PCDH15: variants seen among roughly 807,000 people sequenced by gnomAD.
PCDH15 encodes the protein protocadherin-15.
A neutral mutation model predicts 178.5 loss-of-function variants in PCDH15; 129 were observed. The observed-to-expected ratio is 0.72, with a 90% CI of 0.63 to 0.84. PCDH15 has a LOEUF of 0.84. Among genes scored for constraint, PCDH15 ranks in the 40% least tolerant of loss-of-function variants. The pLI is 0.00. For missense variants in PCDH15, 2,230 were observed against 2,099.9 expected (o/e 1.06, Z -1.21); for synonymous variants, 800 against 732.0 (o/e 1.09, Z -1.50).
chr10:55,158,016 T>G (rs1479903438), intron 2 of PCDH15, among the ~76,000 whole-genome samples: 1 of 151,604 alleles, frequency 6.6e-6, no homozygotes, highest in African/African-American at 2.4e-5. Context: ...GTAAATTTAT[T>G]ATGCTCTATA....
At chr10:53,883,157 A>T (rs2080852593) in intron 26 of PCDH15, among the ~76,000 whole-genome samples, 1 of 106,072 alleles carries the variant, frequency 9.4e-6, no homozygotes, top group Admixed American at 1.1e-4. Flanking sequence ...ACACATATAT[A>T]CACACATATG....
chr10:53,875,834 A>G (rs1191744038), intron 26 of PCDH15, among the ~76,000 whole-genome samples: 1 of 152,126 alleles, frequency 6.6e-6, no homozygotes, highest in Non-Finnish European at 1.5e-5. Flanking sequence ...AGTAGGGGAG[A>G]CCATTAATTT....
intron 2 of PCDH15, among the ~76,000 whole-genome samples, chr10:55,024,443 TTA>T (rs915485008): frequency 1.0e-5 from 1 of 99,996 alleles, no homozygotes; most frequent in Non-Finnish European, 2.2e-5. Context: ...GGATAATATA[TTA>T]TATATATATA....
chr10:54,520,801 C>T (rs1363316129), intron 3 of PCDH15, among the ~76,000 whole-genome samples: 1 of 150,516 alleles, frequency 6.6e-6, no homozygotes, highest in Non-Finnish European at 1.5e-5. Flanking sequence ...ATAGCAAAGA[C>T]TTGGAACCAA....
chr10:55,464,029 G>C (rs1839769848), intron 2 of PCDH15, among the ~76,000 whole-genome samples: 2 of 119,774 alleles, frequency 1.7e-5, no homozygotes, highest in African/African-American at 3.0e-5. Context: ...AAGAAAGAAA[G>C]AAAGAAAGAA....
chr10:55,502,849 G>A (rs111658090), intron 2 of PCDH15, among the ~76,000 whole-genome samples: 34 of 151,088 alleles, frequency 2.3e-4, no homozygotes, highest in African/African-American at 6.8e-4. Flanking sequence ...CTTTTTTTTC[G>A]TGTTTTGAAG....
intron 1 of PCDH15, among the ~76,000 whole-genome samples, chr10:54,691,035 C>T (rs912055175): frequency 1.3e-5 from 2 of 151,918 alleles, no homozygotes; most frequent in Admixed American, 6.6e-5. Flanking sequence ...TAATTTATGA[C>T]AGTACGTAGC....
rs138935945 is a variant in PCDH15 at position 55,314,840 on chromosome 10, C to A, written c.-156+4759G>T. Among the ~76,000 whole-genome samples the A allele has an allele frequency of 4.6e-5, 7 of 152,216 alleles. No individual in the cohort carries two copies. The East Asian group carries it at 1.4e-3, about 29-fold the overall frequency. On this transcript the variant is annotated intron_variant, in intron 1 of 5. Coordinates refer to the PCDH15 transcript ENST00000458638. ...AAGCTGTATGTTAAAATATACACTT[C>A]TTGATATTTTGTTCAGTGATGACAT...
chr10:54,675,138 AATTT>A (rs2094759351), intron 1 of PCDH15, among the ~76,000 whole-genome samples: 2 of 151,960 alleles, frequency 1.3e-5, no homozygotes, highest in Admixed American at 1.3e-4. Flanking sequence ...TAAATTTTTA[AATTT>A]ATTACATTAA....
At chr10:54,693,794 T>G (rs1257076702) in intron 1 of PCDH15, among the ~76,000 whole-genome samples, 1 of 152,144 alleles carries the variant, frequency 6.6e-6, no homozygotes, top group African/African-American at 2.4e-5. Context: ...AATGCTACAA[T>G]AATTACTTGG....
chr10:54,160,430 T>C (rs1460732669), intron 13 of PCDH15, among the ~76,000 whole-genome samples: 2 of 152,032 alleles, frequency 1.3e-5, no homozygotes, highest in African/African-American at 2.4e-5. Context: ...TCAAAATGCA[T>C]CACAGACCTA....
intron 36 of PCDH15, among the ~76,000 whole-genome samples, chr10:53,810,941 C>T (rs1272891691): frequency 6.6e-6 from 1 of 152,120 alleles, no homozygotes; most frequent in African/African-American, 2.4e-5. Flanking sequence ...AGAAAAAAGC[C>T]ATATTGTGTC....
chr10:54,687,006 G>A (rs1013568335), intron 1 of PCDH15, among the ~76,000 whole-genome samples: 1 of 152,006 alleles, frequency 6.6e-6, no homozygotes, highest in Non-Finnish European at 1.5e-5. Flanking sequence ...ACTATAAATA[G>A]CCAATAGATA....
chr10:54,443,582 G>C (rs2075969997), intron 3 of PCDH15, among the ~76,000 whole-genome samples: 1 of 151,590 alleles, frequency 6.6e-6, no homozygotes, highest in Admixed American at 6.6e-5. Flanking sequence ...CCTGTAAATA[G>C]AGGATCCAAG....
rs1263811377 is a variant in PCDH15 at position 53,808,326 on chromosome 10, G to GTATATATATA, written c.4672-1197_4672-1196insTATATATATA. The GTATATATATA allele has an allele frequency of 6.0e-5, 27 of 447,684 alleles. No individual in the cohort carries two copies. In the East Asian group the frequency reaches 1.0e-3, roughly 17 times the overall value. The allele number at this position is 447,684 out of a possible 1,614,324, so 27.7% of individuals were successfully genotyped here. On this transcript the variant is annotated intron_variant, in intron 37 of 37. Coordinates refer to ENST00000644397, the MANE Select transcript of PCDH15 (RefSeq NM_001384140.1). The stretch of plus-strand genomic sequence containing the variant: ...TGATATAAAAACATATATAGTGTGT[G>GTATATATATA]TGTGTATATATATATATATATATAT...
chr10:54,876,058 G>A (rs530373062), intron 3 of PCDH15, among the ~76,000 whole-genome samples: 1 of 152,176 alleles, frequency 6.6e-6, no homozygotes, highest in Non-Finnish European at 1.5e-5. Context: ...AGCTAATATA[G>A]CTTGTGACTT....
At chr10:54,664,422 A>G in intron 1 of PCDH15, 132 bp from the exon 2 acceptor site, 1 of 658,244 alleles carries the variant, frequency 1.5e-6, no homozygotes, top group Non-Finnish European at 2.7e-6. Flanking sequence ...ATCCATTAAC[A>G]AAGTAACACA....
At chr10:54,543,521 A>T (rs2085500292) in intron 2 of PCDH15, among the ~76,000 whole-genome samples, 1 of 152,162 alleles carries the variant, frequency 6.6e-6, no homozygotes, top group South Asian at 2.1e-4. Context: ...AACCTTTCCC[A>T]TTTCGTTTTC....
intron 2 of PCDH15, among the ~76,000 whole-genome samples, chr10:55,118,039 C>T (rs1837670359): frequency 6.6e-6 from 1 of 152,078 alleles, no homozygotes; most frequent in Non-Finnish European, 1.5e-5. Flanking sequence ...GTCTAAGTGG[C>T]TTGCCCTAAA....
Sources: allele counts gnomAD v4.1 joint callset (sites outside exome capture counted in the v4.1 genomes callset), GRCh38; gene constraint gnomAD v4.1.1; transcripts MANE v1.5; gene names NCBI Gene and HGNC (gene_info 2026-07-23, HGNC 2026-07-21).